SOX6: variants seen among roughly 807,000 people sequenced by gnomAD.
The protein encoded by SOX6 is SRY-box transcription factor 6, also known as transcription factor SOX-6.
In SOX6, 11 loss-of-function variants were observed where a neutral mutation model predicts 97.8. The observed-to-expected ratio is 0.11, with a 90% CI of 0.07 to 0.19. The LOEUF is 0.19. Among genes scored for constraint, SOX6 ranks in the 10% least tolerant of loss-of-function variants. SOX6 has a pLI of 1.00. For missense variants in SOX6, 810 were observed against 1,039.5 expected (o/e 0.78, Z 3.04); for synonymous variants, 360 against 371.4 (o/e 0.97, Z 0.35).
intron 4 of SOX6, among the ~76,000 whole-genome samples, chr11:16,582,976 A>G (rs1848044810): frequency 6.6e-6 from 1 of 152,132 alleles, no homozygotes; most frequent in African/African-American, 2.4e-5. Context: ...CAAAACCCTT[A>G]TAAAGATAGC....
chr11:16,613,643 G>A lies in SOX6; in HGVS notation n.430-1383C>T, dbSNP rs1848429513. The stretch of plus-strand genomic sequence containing the variant: ...GACCCACGAGCACACACACACGCAC[G>A]CACACACACAGACACGCGCGTATTC... On this transcript the variant is annotated intron_variant and non_coding_transcript_variant, in intron 3 of 5. Transcript: ENST00000524520. The surrounding 1 kb of genome is among the most constrained non-coding windows in gnomAD (Gnocchi z 4.6). 6.6e-6 allele frequency among the ~76,000 whole-genome samples: 1 copy of A among 151,946 alleles called. No individual in the cohort carries two copies. The highest frequency in any genetic ancestry group is 1.5e-5 in the Non-Finnish European group (1 of 67,968).
intron 4 of SOX6, among the ~76,000 whole-genome samples, chr11:16,568,836 A>ACTCTCC (rs1169730548): frequency 1.3e-4 from 19 of 151,948 alleles, no homozygotes; most frequent in African/African-American, 4.6e-4. Flanking sequence ...GTCCACCCTT[A>ACTCTCC]CTCTCCCAAA....
At chr11:16,583,339 T>C (rs1848048267) in intron 4 of SOX6, among the ~76,000 whole-genome samples, 2 of 151,688 alleles carry the variant, frequency 1.3e-5, no homozygotes, top group South Asian at 4.2e-4. Context: ...AAATTACTTT[T>C]AGCTATAGTC....
intron 3 of SOX6, among the ~76,000 whole-genome samples, chr11:16,698,711 C>T (rs1456949087): frequency 6.6e-6 from 1 of 152,050 alleles, no homozygotes; most frequent in East Asian, 1.9e-4. Context: ...TATTAATTGG[C>T]CTAATTTCAA....
intron 4 of SOX6, among the ~76,000 whole-genome samples, chr11:16,497,424 A>T (rs1489424932): frequency 2.0e-5 from 3 of 152,358 alleles, no homozygotes; most frequent in African/African-American, 7.2e-5. Flanking sequence ...CCTCCTCCAA[A>T]GGAATGCAGG....
chr11:16,487,260 A>T (rs1860451815), intron 4 of SOX6, among the ~76,000 whole-genome samples: 1 of 152,194 alleles, frequency 6.6e-6, no homozygotes, highest in South Asian at 2.1e-4. Context: ...ATTAAGTCTT[A>T]GTTATTGCAG....
chr11:16,123,386 T>C (rs1849538980), intron 6 of SOX6, among the ~76,000 whole-genome samples: 1 of 152,000 alleles, frequency 6.6e-6, no homozygotes, highest in Non-Finnish European at 1.5e-5. Flanking sequence ...GTCTAAGCTA[T>C]TGACAGCTGG....
At chr11:15,984,077 T>C (rs1341609421) in intron 15 of SOX6, among the ~76,000 whole-genome samples, 3 of 152,172 alleles carry the variant, frequency 2.0e-5, no homozygotes, top group African/African-American at 4.8e-5. Context: ...TCTGTAGCCA[T>C]AGAAACTCTC....
intron 1 of SOX6, among the ~76,000 whole-genome samples, chr11:16,344,191 C>G (rs1856715614): frequency 6.6e-6 from 1 of 151,710 alleles, no homozygotes; most frequent in African/African-American, 2.4e-5. Flanking sequence ...TGAGCATTTC[C>G]TTTTGGTAGA....
intron 12 of SOX6, among the ~76,000 whole-genome samples, chr11:16,018,209 G>C (rs983435596): frequency 6.6e-6 from 1 of 152,082 alleles, no homozygotes. Flanking sequence ...TCATCTTCAC[G>C]TATTATCAGA....
intron 12 of SOX6, among the ~76,000 whole-genome samples, chr11:16,037,240 G>T (rs1169413908): frequency 1.3e-5 from 2 of 152,088 alleles, no homozygotes; most frequent in African/African-American, 4.8e-5. Flanking sequence ...GATTCTAAAG[G>T]CCACCTAGAT....
At chr11:16,122,548 A>C (rs1849519002) in intron 6 of SOX6, among the ~76,000 whole-genome samples, 1 of 152,042 alleles carries the variant, frequency 6.6e-6, no homozygotes, top group African/African-American at 2.4e-5. Flanking sequence ...ACCGTTCATA[A>C]ACTTTTGACC....
At chr11:16,516,028 CG>C (rs1314671407) in intron 4 of SOX6, among the ~76,000 whole-genome samples, 1 of 151,746 alleles carries the variant, frequency 6.6e-6, no homozygotes. Flanking sequence ...CTTGGCAATG[CG>C]GGCTCTTTTT....
chr11:16,230,560 AATT>A (rs1440712826), intron 4 of SOX6, among the ~76,000 whole-genome samples: 1 of 151,824 alleles, frequency 6.6e-6, no homozygotes, highest in African/African-American at 2.4e-5. Context: ...AAATGTGCAG[AATT>A]ATTGAGAGAC....
intron 4 of SOX6, among the ~76,000 whole-genome samples, chr11:16,211,366 C>G (rs1852224169): frequency 6.6e-6 from 1 of 151,652 alleles, no homozygotes; most frequent in Non-Finnish European, 1.5e-5. Context: ...AGCTAGGAGG[C>G]TTTTACAATA....
chr11:16,169,415 A>C (rs979548182), intron 6 of SOX6, among the ~76,000 whole-genome samples: 1 of 152,136 alleles, frequency 6.6e-6, no homozygotes, highest in Non-Finnish European at 1.5e-5. Flanking sequence ...AAGTACAGAA[A>C]TTTAAATATC....
At chr11:16,478,914 A>G (rs1262143779), upstream of SOX6, among the ~76,000 whole-genome samples, 1 of 152,206 alleles carries the variant, frequency 6.6e-6, no homozygotes, top group Non-Finnish European at 1.5e-5. Flanking sequence ...GAAAATCTCA[A>G]TCTGTTTGGT....
chr11:16,555,890 C>A (rs538184389), intron 4 of SOX6, among the ~76,000 whole-genome samples: 45 of 151,746 alleles, frequency 3.0e-4, no homozygotes, highest in Middle Eastern at 3.4e-3. Flanking sequence ...CCAGATAATT[C>A]TTTTCATATA....
intron 2 of SOX6, among the ~76,000 whole-genome samples, chr11:16,334,124 A>G (rs1856390491): frequency 6.6e-6 from 1 of 152,166 alleles, no homozygotes; most frequent in African/African-American, 2.4e-5. Context: ...ATACAGACTT[A>G]ATGATTAAAA....
Sources: gnomAD v4.1 joint callset for allele counts (sites outside exome capture counted in the v4.1 genomes callset) on GRCh38, gnomAD v4.1.1 for gene constraint, Gnocchi (gnomAD v3.1) non-coding constraint, MANE v1.5 for transcripts, NCBI Gene and HGNC (gene_info 2026-07-23, HGNC 2026-07-21) for gene names.